RYR3: variants seen among roughly 807,000 people sequenced by gnomAD.
RYR3 encodes brain ryanodine receptor-calcium release channel.
Under a neutral mutation model 584.3 loss-of-function variants are expected in RYR3, and 207 were observed. The observed-to-expected ratio is 0.35, with a 90% confidence interval of 0.32 to 0.40. The LOEUF (loss-of-function observed/expected upper bound fraction) is 0.40. Ranked by LOEUF, RYR3 falls within the 10% of genes least tolerant of loss-of-function variation. The pLI, the probability that RYR3 is intolerant of heterozygous loss-of-function variation, is 1.00. For synonymous variants in RYR3, 2,416 were observed against 2,248.5 expected, an observed-to-expected ratio of 1.07 and a Z score of -2.11; for missense variants, 5,616 against 6,089.2, an observed-to-expected ratio of 0.92 and a Z score of 2.59.
chr15:33,546,494 G>A (rs2056249112), intron 8 of RYR3, among the ~76,000 whole-genome samples: 1 of 152,150 alleles, frequency 6.6e-6, no homozygotes, highest in Non-Finnish European at 1.5e-5. Context: ...GAAAGATTGA[G>A]AAATAGCCTC....
intron 67 of RYR3, among the ~76,000 whole-genome samples, chr15:33,789,876 A>G (rs2152917088): frequency 6.9e-6 from 1 of 144,726 alleles, no homozygotes; most frequent in African/African-American, 2.6e-5. Flanking sequence ...GGGTTTTACC[A>G]TGTTGCCCAG....
chr15:33,635,890 C>A (rs2061474830), intron 26 of RYR3, 71 bp downstream of exon 26: 2 of 1,315,060 alleles, frequency 1.5e-6, no homozygotes, highest in Non-Finnish European at 2.1e-6. Context: ...TTTCTGGAAG[C>A]TCAAATTACT....
At chr15:33,797,629 G>T (rs1021102238) in intron 67 of RYR3, among the ~76,000 whole-genome samples, 1 of 151,998 alleles carries the variant, frequency 6.6e-6, no homozygotes, top group Non-Finnish European at 1.5e-5. Flanking sequence ...AGCTGAAACC[G>T]CATTCTCACA....
intron 39 of RYR3, among the ~76,000 whole-genome samples, chr15:33,696,884 T>C (rs1349298268): frequency 6.6e-6 from 1 of 152,210 alleles, no homozygotes; most frequent in African/African-American, 2.4e-5. Context: ...CTCCCTTTTC[T>C]CAGGACTAAC....
At chr15:33,331,387 T>C (rs1259690849) in intron 1 of RYR3, among the ~76,000 whole-genome samples, 2 of 152,178 alleles carry the variant, frequency 1.3e-5, no homozygotes, top group Non-Finnish European at 2.9e-5. Context: ...ATAAGGTAGA[T>C]CACTAGCTAA....
intron 67 of RYR3, among the ~76,000 whole-genome samples, chr15:33,789,986 C>CTTGTTTTTT (rs2075050645): frequency 1.9e-5 from 1 of 53,250 alleles, no homozygotes; most frequent in Non-Finnish European, 3.1e-5. Flanking sequence ...GCCTGGCCTT[C>CTTGTTTTTT]TTTTTTTTTT....
chr15:33,581,540 C>T lies in RYR3; in HGVS notation c.1470C>T (p.Asp490=). Residue 490 remains aspartate, a synonymous_variant, in exon 14 of 104, where the codon GAC becomes GAT. Transcript: ENST00000634891. ...TGGCCCTTGTCTTAAATTGCATTGA[C>T]CGCTTAAATGTCTACAATAGCGTAG... ...GMLALVLNCI[D]RLNVYNSVAH... is the part of the protein sequence containing the mutation. The T allele has an allele frequency of 6.2e-7, 1 of 1,613,548 alleles. No individual in the cohort carries two copies. The highest frequency in any genetic ancestry group is 8.5e-7 in the Non-Finnish European group (1 of 1,179,506).
Position 33,351,438 on chromosome 15 carries a change from C to T in RYR3, c.51+40342C>T, listed in dbSNP as rs1178147324. On this transcript the variant is annotated intron_variant, in intron 1 of 103. Coordinates refer to ENST00000634891, the MANE Select transcript of RYR3 (RefSeq NM_001036.6). ...GCCAGCATCATCCTGATACCAAAGC[C>T]GGGCAGAGACACAACCAAAAAAGAG... 6.2e-3 allele frequency among the ~76,000 whole-genome samples: 937 copies of T among 150,522 alleles called. 9 individuals carry two copies. The highest frequency in any genetic ancestry group is 0.022 in the African/African-American group (901 of 41,018).
intron 1 of RYR3, among the ~76,000 whole-genome samples, chr15:33,337,084 T>TAAAAAAA (rs1555431133): frequency 1.1e-5 from 1 of 94,534 alleles, no homozygotes; most frequent in East Asian, 3.7e-4. Context: ...AAAAAAAAAG[T>TAAAAAAA]TTATAAAACT....
Position 33,725,180 on chromosome 15 carries a change from C to CACACACACACACATATAT in RYR3, c.6912+1017_6912+1018insTATATACACACACACACA, listed in dbSNP as rs1555427019. Reference sequence around the variant, plus strand: ...ACACACACACACACACACACACACACACACACACACACACACACACACATA... The same window carrying CACACACACACACATATAT: ...ACACACACACACACACACACACACACACACACACACACATATATACACACACACACACACACACACATA... On this transcript the variant is annotated intron_variant, in intron 45 of 103. Coordinates refer to ENST00000634891, the MANE Select transcript of RYR3 (RefSeq NM_001036.6). 3.8e-3 allele frequency among the ~76,000 whole-genome samples: 542 copies of CACACACACACACATATAT among 143,892 alleles called. 12 individuals are homozygous for CACACACACACACATATAT. The highest frequency in any genetic ancestry group is 0.026 in the East Asian group (114 of 4,324). The allele number at this position is 143,892 out of a possible 152,430, so 94.4% of individuals were successfully genotyped here.
At chr15:33,810,439 C>T in intron 70 of RYR3, 40 bp from the exon 71 acceptor site, 1 of 1,607,208 alleles carries the variant, frequency 6.2e-7, no homozygotes, top group South Asian at 1.1e-5. Context: ...TTGGGAGAAT[C>T]ACTGAACCCC....
rs540269772 is a variant in RYR3, at chr15:33,341,329, G to C, written c.51+30233G>C. On this transcript the variant is annotated intron_variant, in intron 1 of 103. Transcript: ENST00000634891. ...GCTGGGATTACAGGCATGAGCCACT[G>C]CGCCCGGTCTGATTCAGTGGACTTT... is the stretch of plus-strand genomic sequence containing the variant. Among the ~76,000 whole-genome samples the C allele has an allele frequency of 3.3e-5, 5 of 152,200 alleles. No individual in the cohort carries two copies. In the South Asian group the frequency reaches 1.0e-3, roughly 32 times the overall value.
intron 81 of RYR3, among the ~76,000 whole-genome samples, chr15:33,823,969 G>A (rs974122140): frequency 3.3e-5 from 5 of 152,028 alleles, no homozygotes; most frequent in Non-Finnish European, 7.4e-5. Context: ...TGGGCAGTAG[G>A]GAGCATACGT....
At chr15:33,575,017 C>A (rs1195628996) in intron 12 of RYR3, among the ~76,000 whole-genome samples, 2 of 152,014 alleles carry the variant, frequency 1.3e-5, no homozygotes, top group Non-Finnish European at 2.9e-5. Context: ...AAACTAAGAT[C>A]AAAAAAGACA....
At chr15:33,313,838 A>G (rs1008758641) in intron 1 of RYR3, among the ~76,000 whole-genome samples, 5 of 152,252 alleles carry the variant, frequency 3.3e-5, no homozygotes, top group Non-Finnish European at 4.4e-5. Context: ...AGACCATACA[A>G]TAGCATTATG....
In RYR3 at chr15:33,311,112, G is replaced by A; in HGVS notation, c.51+16G>A. Reference sequence around the variant, plus strand: ...TCTGAGGACTGTGAGTCTCCGCGGCGGGGGCGAGGCCGTGGGCAGGTGGGG... The same window carrying A: ...TCTGAGGACTGTGAGTCTCCGCGGCAGGGGCGAGGCCGTGGGCAGGTGGGG... On this transcript the variant is annotated intron_variant, in intron 1 of 103. Transcript: ENST00000634891. This position sits in a 1 kb window ranked among gnomAD's most constrained non-coding sequence, Gnocchi z 4.4. The A allele has an allele frequency of 6.4e-7, 1 of 1,564,650 alleles. No homozygotes were observed. The highest frequency in any genetic ancestry group is 1.2e-5 in the South Asian group (1 of 86,082).
rs564562657 is a variant in RYR3, at chr15:33,653,979, T to A, written c.4308+1096T>A. 1.5e-4 allele frequency among the ~76,000 whole-genome samples: 23 copies of A among 152,334 alleles called. 1 individual carries two copies. Among genetic ancestry groups the A allele is most frequent in the African/African-American group, 4.1e-4 (17 of 41,590 alleles). On this transcript the variant is annotated intron_variant, in intron 32 of 103. Coordinates refer to ENST00000634891, the MANE Select transcript of RYR3 (RefSeq NM_001036.6). ...ATTTGACAAAGAAAAGCACTTTTTT[T>A]AATTTTAAGAATCAATAATGTTCTA... is the stretch of plus-strand genomic sequence containing the variant.
Position 33,652,886 on chromosome 15 carries a change from A to G in RYR3, c.4308+3A>G. The G allele has an allele frequency of 6.2e-7, 1 of 1,604,720 alleles. No individual in the cohort carries two copies. Among genetic ancestry groups the G allele is most frequent in the Non-Finnish European group, 8.5e-7 (1 of 1,175,068 alleles). On this transcript the variant is annotated splice_donor_region_variant and intron_variant, in intron 32 of 103. Transcript: ENST00000634891. ...AGGAACTGGGCACCTGCTACCAGGT[A>G]AGGGCGGCTTCTGGGGCCGAAACAG...
intron 89 of RYR3, chr15:33,840,576 G>C (rs1412762592): frequency 1.1e-5 from 6 of 548,824 alleles, no homozygotes; most frequent in Middle Eastern, 4.2e-4. Context: ...CCTAACACAA[G>C]TTTCCTCTTT....
Sources: gnomAD v4.1 joint callset for allele counts (sites outside exome capture counted in the v4.1 genomes callset) on GRCh38, gnomAD v4.1.1 for gene constraint, Gnocchi (gnomAD v3.1) non-coding constraint, MANE v1.5 for transcripts, NCBI Gene and HGNC (gene_info 2026-07-23, HGNC 2026-07-21) for gene names.